Variants in MTCL3 observed in about 807,000 individuals in gnomAD.
MTCL3 encodes the protein microtubule cross-linking factor 3.
At chr6:127,515,536 C>A in the MTCL3 span, 3 of 1,458,332 alleles carry the variant, frequency 2.1e-6, no homozygotes, top group Non-Finnish European at 2.7e-6. The surrounding 1 kb of genome is among the most constrained non-coding windows in gnomAD (Gnocchi z 4.3). Flanking sequence ...GTTTTCCTCT[C>A]GCAGCTTCTC....
At chr6:127,505,459 C>G in the MTCL3 span, among the ~76,000 whole-genome samples, 1 of 152,194 alleles carries the variant, frequency 6.6e-6, no homozygotes. Flanking sequence ...CAAGTGGGCG[C>G]TAAATGATGA....
At chr6:127,493,589 T>C in the MTCL3 span, among the ~76,000 whole-genome samples, 16 of 152,180 alleles carry the variant, frequency 1.1e-4, no homozygotes, top group African/African-American at 3.9e-4. Flanking sequence ...AATTTGCCAA[T>C]AAATCAGCCA....
the MTCL3 span, among the ~76,000 whole-genome samples, chr6:127,506,316 A>G: frequency 3.3e-5 from 5 of 152,278 alleles, no homozygotes; most frequent in Middle Eastern, 6.8e-3. Flanking sequence ...TTTTTGTTGT[A>G]CTATATGGAT....
At chr6:127,514,205 A>T in the MTCL3 span, among the ~76,000 whole-genome samples, 1 of 152,172 alleles carries the variant, frequency 6.6e-6, no homozygotes, top group Non-Finnish European at 1.5e-5. Context: ...GAACAATTGC[A>T]CTTTAAAAAA....
the MTCL3 span, among the ~76,000 whole-genome samples, chr6:127,510,737 A>G: frequency 3.8e-4 from 58 of 152,336 alleles, no homozygotes; most frequent in African/African-American, 1.3e-3. Flanking sequence ...TGAATAGGGA[A>G]TGGCGCCTAT....
the MTCL3 span, among the ~76,000 whole-genome samples, chr6:127,504,615 G>A: frequency 6.6e-6 from 1 of 152,100 alleles, no homozygotes; most frequent in Non-Finnish European, 1.5e-5. Context: ...GCACCACATG[G>A]ACTATTTAAG....
At chr6:127,489,430 A>G in the MTCL3 span, among the ~76,000 whole-genome samples, 1,360 of 152,356 alleles carry the variant, frequency 8.9e-3, 24 homozygotes, top group African/African-American at 0.031. Flanking sequence ...AAAAGCTAGA[A>G]ATAATTAAGC....
chr6:127,513,588 T>C, the MTCL3 span, among the ~76,000 whole-genome samples: 4 of 152,186 alleles, frequency 2.6e-5, no homozygotes, highest in Non-Finnish European at 5.9e-5. Context: ...CTTAGGAAAG[T>C]TTTAGTCCTT....
the MTCL3 span, among the ~76,000 whole-genome samples, chr6:127,478,113 A>C: frequency 6.6e-6 from 1 of 152,212 alleles, no homozygotes; most frequent in Admixed American, 6.5e-5. Flanking sequence ...AGGGCATGTC[A>C]TGGAAAGCTT....
At chr6:127,505,084 G>A in the MTCL3 span, among the ~76,000 whole-genome samples, 1 of 152,152 alleles carries the variant, frequency 6.6e-6, no homozygotes, top group Non-Finnish European at 1.5e-5. Flanking sequence ...GCTTCCTAGA[G>A]TGTAGAGCCA....
chr6:127,515,146 A>T, the MTCL3 span: 86 of 1,088,840 alleles, frequency 7.9e-5, no homozygotes, highest in Admixed American at 1.5e-3. This position sits in a 1 kb window ranked among gnomAD's most constrained non-coding sequence, Gnocchi z 4.3. Flanking sequence ...TCTCAGCTTT[A>T]ATTGCCCTCT....
the MTCL3 span, chr6:127,475,591 C>G: frequency 1.9e-6 from 3 of 1,605,008 alleles, no homozygotes; most frequent in Non-Finnish European, 1.7e-6. This position sits in a 1 kb window ranked among gnomAD's most constrained non-coding sequence, Gnocchi z 7.3. Context: ...CATCTGCTGC[C>G]GATCGGAGAA....
the MTCL3 span, chr6:127,483,061 C>T: frequency 1.9e-5 from 23 of 1,194,132 alleles, 1 homozygote; most frequent in South Asian, 2.1e-4. Flanking sequence ...GTATTCTAGT[C>T]TCAAACGACA....
At chr6:127,479,338 G>C in the MTCL3 span, among the ~76,000 whole-genome samples, 1 of 152,098 alleles carries the variant, frequency 6.6e-6, no homozygotes, top group Non-Finnish European at 1.5e-5. Flanking sequence ...TTACTGGAAC[G>C]CATTTTATCA....
At chr6:127,515,741 G>A in the MTCL3 span, 2 of 1,598,662 alleles carry the variant, frequency 1.3e-6, no homozygotes, top group South Asian at 2.2e-5. The surrounding 1 kb of genome is among the most constrained non-coding windows in gnomAD (Gnocchi z 4.3). Context: ...CCAGACACCG[G>A]GGAGCTGCGG....
the MTCL3 span, among the ~76,000 whole-genome samples, chr6:127,498,054 C>G: frequency 6.6e-6 from 1 of 151,986 alleles, no homozygotes. Context: ...TTCTTAGATG[C>G]GACACCAAAA....
chr6:127,475,184 G>A, the MTCL3 span: 17 of 1,226,678 alleles, frequency 1.4e-5, no homozygotes, highest in Middle Eastern at 2.9e-4. This position sits in a 1 kb window ranked among gnomAD's most constrained non-coding sequence, Gnocchi z 7.3. Context: ...CTGAGCGGGG[G>A]CTTCCCTCAA....
the MTCL3 span, among the ~76,000 whole-genome samples, chr6:127,486,070 A>C: frequency 6.6e-6 from 1 of 152,226 alleles, no homozygotes; most frequent in Non-Finnish European, 1.5e-5. Context: ...GATTGAGGTC[A>C]GCTTGTGCAG....
the MTCL3 span, among the ~76,000 whole-genome samples, chr6:127,496,104 G>A: frequency 6.6e-6 from 1 of 151,948 alleles, no homozygotes. Context: ...ATAAATGCAT[G>A]TACACAAGAG....
Sources: allele counts gnomAD v4.1 joint callset (sites outside exome capture counted in the v4.1 genomes callset), GRCh38; gene constraint gnomAD v4.1.1; non-coding constraint Gnocchi (gnomAD v3.1); transcripts MANE v1.5; gene names NCBI Gene and HGNC (gene_info 2026-07-23, HGNC 2026-07-21).